ADAMTS17: variants seen among roughly 807,000 people sequenced by gnomAD.
ADAMTS17 encodes A disintegrin and metalloproteinase with thrombospondin motifs 17.
Under a neutral mutation model 141.5 loss-of-function variants are expected in ADAMTS17, and 113 were observed. The ratio of observed to expected loss-of-function variants is 0.80; its 90% CI spans 0.69 to 0.93. ADAMTS17 has a LOEUF of 0.93. Ranked by LOEUF, ADAMTS17 falls within the 40% of genes least tolerant of loss-of-function variation. The probability of loss-of-function intolerance (pLI) is 0.00; values close to 1 mark genes in which losing one functional copy is unlikely to be tolerated. For synonymous variants in ADAMTS17, 768 were observed against 630.6 expected (o/e 1.22, Z -3.27); for missense variants, 1,659 against 1,517.9 (o/e 1.09, Z -1.54).
chr15:100,036,099 T>C (rs1220235134), intron 18 of ADAMTS17, among the ~76,000 whole-genome samples: 1 of 152,178 alleles, frequency 6.6e-6, no homozygotes, highest in Admixed American at 6.5e-5. Flanking sequence ...GCAAAGATGA[T>C]GGCTGGCCCA....
intron 18 of ADAMTS17, among the ~76,000 whole-genome samples, chr15:100,045,744 C>T (rs1488205156): frequency 6.6e-6 from 1 of 152,148 alleles, no homozygotes; most frequent in Non-Finnish European, 1.5e-5. Flanking sequence ...GGGTAACTAT[C>T]AGAGTTTTAG....
At chr15:100,153,718 T>C (rs960590355) in intron 9 of ADAMTS17, among the ~76,000 whole-genome samples, 1 of 152,184 alleles carries the variant, frequency 6.6e-6, no homozygotes, top group African/African-American at 2.4e-5. Flanking sequence ...ACTACAATGC[T>C]TTTATTTCTC....
At chr15:100,158,933 C>A (rs1446812520) in intron 8 of ADAMTS17, among the ~76,000 whole-genome samples, 1 of 152,140 alleles carries the variant, frequency 6.6e-6, no homozygotes, top group Non-Finnish European at 1.5e-5. Flanking sequence ...CCACCTTACA[C>A]CTCTCATGAT....
chr15:100,223,889 G>A (rs2042219317), intron 7 of ADAMTS17, among the ~76,000 whole-genome samples: 1 of 152,048 alleles, frequency 6.6e-6, no homozygotes, highest in Non-Finnish European at 1.5e-5. Flanking sequence ...CCAATAGGCT[G>A]TCTGCAAGCT....
At chr15:100,142,048 A>G (rs57376261) in intron 10 of ADAMTS17, among the ~76,000 whole-genome samples, 5,228 of 152,330 alleles carry the variant, frequency 0.034, 178 homozygotes, top group African/African-American at 0.085. Flanking sequence ...GGATGGAAGA[A>G]TCTCCAGGGA....
intron 2 of ADAMTS17, among the ~76,000 whole-genome samples, chr15:100,340,262 A>AC (rs1009673234): frequency 1.3e-5 from 2 of 150,738 alleles, no homozygotes; most frequent in Admixed American, 6.6e-5. Context: ...GCACACAAGA[A>AC]CCCCCCCTCC....
intron 7 of ADAMTS17, among the ~76,000 whole-genome samples, chr15:100,212,455 G>A (rs887969357): frequency 6.6e-6 from 1 of 152,196 alleles, no homozygotes. Flanking sequence ...TAACCCTTGA[G>A]ACTGCAAAAG....
At chr15:100,258,156 C>T (rs890971889) in intron 6 of ADAMTS17, among the ~76,000 whole-genome samples, 3 of 152,230 alleles carry the variant, frequency 2.0e-5, no homozygotes, top group Admixed American at 6.5e-5. Context: ...TCTTGGCTGT[C>T]ATGAATAATG....
intron 8 of ADAMTS17, among the ~76,000 whole-genome samples, chr15:100,189,615 C>T (rs1026549550): frequency 3.3e-4 from 51 of 152,316 alleles, no homozygotes; most frequent in African/African-American, 1.2e-3. Flanking sequence ...TGAAGGCTCC[C>T]CTGACCAGAA....
At chr15:100,041,452 C>T (rs1388183254) in intron 18 of ADAMTS17, among the ~76,000 whole-genome samples, 1 of 152,236 alleles carries the variant, frequency 6.6e-6, no homozygotes, top group Admixed American at 6.5e-5. Context: ...ACTTCATTGG[C>T]AGCCCCTGCC....
intron 7 of ADAMTS17, among the ~76,000 whole-genome samples, chr15:100,244,588 T>TC (rs2042930584): frequency 6.6e-6 from 1 of 151,962 alleles, no homozygotes; most frequent in South Asian, 2.1e-4. Context: ...GTCATGCCTG[T>TC]CCCCGCTTCT....
chr15:100,058,697 G>C (rs1003058004), intron 15 of ADAMTS17, among the ~76,000 whole-genome samples: 2 of 152,218 alleles, frequency 1.3e-5, no homozygotes, highest in African/African-American at 4.8e-5. Context: ...GCACGAGGTG[G>C]AGATAGAGCC....
intron 7 of ADAMTS17, among the ~76,000 whole-genome samples, chr15:100,245,335 A>C (rs889619659): frequency 1.3e-5 from 2 of 152,206 alleles, no homozygotes; most frequent in South Asian, 2.1e-4. Flanking sequence ...CAGTCAGAAC[A>C]ATGAAGGGGG....
intron 18 of ADAMTS17, among the ~76,000 whole-genome samples, chr15:100,011,241 G>T (rs2061162448): frequency 1.4e-5 from 1 of 70,448 alleles, no homozygotes. Flanking sequence ...GTTCTCATTT[G>T]CTGGGGAAAG....
At chr15:100,069,007 T>C (rs180881510) in intron 15 of ADAMTS17, among the ~76,000 whole-genome samples, 7 of 152,230 alleles carry the variant, frequency 4.6e-5, no homozygotes, top group Non-Finnish European at 7.4e-5. Flanking sequence ...AAAGATTACA[T>C]GAATGGCTAA....
At chr15:100,152,889 G>C (rs954644908) in intron 9 of ADAMTS17, 127 bp from the exon 10 acceptor site, 5 of 1,257,656 alleles carry the variant, frequency 4.0e-6, no homozygotes, top group African/African-American at 3.0e-5. Flanking sequence ...TATGGAAAAA[G>C]GACGCAGGCA....
At chr15:100,205,692 A>G (rs2041516709) in intron 7 of ADAMTS17, among the ~76,000 whole-genome samples, 1 of 152,152 alleles carries the variant, frequency 6.6e-6, no homozygotes, top group African/African-American at 2.4e-5. Context: ...TTTGACAAAC[A>G]CTTTGTCAAG....
chr15:100,014,347 T>C (rs1186144958), intron 18 of ADAMTS17, among the ~76,000 whole-genome samples: 1 of 152,052 alleles, frequency 6.6e-6, no homozygotes, highest in Non-Finnish European at 1.5e-5. Flanking sequence ...TTTTTGTTTA[T>C]CTTTTTTTAA....
chr15:100,181,631 G>C (rs184060555), intron 8 of ADAMTS17, among the ~76,000 whole-genome samples: 2 of 152,330 alleles, frequency 1.3e-5, no homozygotes, highest in Non-Finnish European at 2.9e-5. Flanking sequence ...GGCCTAGAAC[G>C]GGGGCCTTAT....
Sources: allele counts gnomAD v4.1 joint callset (sites outside exome capture counted in the v4.1 genomes callset), GRCh38; gene constraint gnomAD v4.1.1; transcripts MANE v1.5; gene names NCBI Gene and HGNC (gene_info 2026-07-23, HGNC 2026-07-21).